TOX2: variants seen among roughly 807,000 people sequenced by gnomAD.
TOX2 encodes the protein TOX high mobility group box family member 2.
TOX2 carries 15 observed loss-of-function variants against 47.4 expected under a neutral mutation model. That is an observed-to-expected ratio of 0.32 (90% CI 0.21 to 0.49). TOX2 has a LOEUF of 0.49. Ranked by LOEUF, TOX2 falls within the 20% of genes least tolerant of loss-of-function variation. TOX2 has a pLI of 0.99. For missense variants in TOX2, 622 were observed against 673.1 expected (o/e 0.92, Z 0.84); for synonymous variants, 290 against 296.6 (o/e 0.98, Z 0.23).
chr20:44,037,416 G>A (rs770020118), intron 3 of TOX2, among the ~76,000 whole-genome samples: 3 of 152,198 alleles, frequency 2.0e-5, no homozygotes, highest in Admixed American at 6.5e-5. Context: ...GCCCCATGAG[G>A]GCAGGGTCAT....
intron 3 of TOX2, among the ~76,000 whole-genome samples, chr20:44,048,818 G>A (rs1450694253): frequency 1.3e-5 from 2 of 151,944 alleles, no homozygotes; most frequent in Non-Finnish European, 2.9e-5. Context: ...AGATACAATT[G>A]TCTGTCTTCT....
chr20:43,922,410 G>A (rs1229789254), intron 1 of TOX2, among the ~76,000 whole-genome samples: 1 of 152,148 alleles, frequency 6.6e-6, no homozygotes, highest in Non-Finnish European at 1.5e-5. Flanking sequence ...AAAGTTTAGC[G>A]CAGGTAAACT....
At chr20:44,056,443 C>T (rs1569143016) in intron 5 of TOX2, among the ~76,000 whole-genome samples, 1 of 152,162 alleles carries the variant, frequency 6.6e-6, no homozygotes, top group Non-Finnish European at 1.5e-5. Flanking sequence ...GATTTCCTTG[C>T]CGTTTTATAC....
At position 43,925,310 on chromosome 20, in the gene TOX2, C is replaced by T. The variant is rs942369201; in HGVS notation, c.99+10320C>T. Among the ~76,000 whole-genome samples the T allele has an allele frequency of 3.3e-5, 5 of 151,908 alleles. No individual in the cohort carries two copies. The East Asian group carries it at 9.6e-4, about 29-fold the overall frequency. On this transcript the variant is annotated intron_variant, in intron 1 of 8. Transcript: ENST00000341197. ...GAGTTTCCTCAACATGGGTGAAAGC[C>T]GTGACTGCGTGGGTGGGCAGGGTGG...
At chr20:44,012,368 A>G (rs1403839420) in intron 3 of TOX2, among the ~76,000 whole-genome samples, 1 of 152,218 alleles carries the variant, frequency 6.6e-6, no homozygotes, top group Non-Finnish European at 1.5e-5. Context: ...TTGTGAGACC[A>G]GAGAAACTCC....
chr20:44,063,823 T>C (rs977994002), intron 5 of TOX2, among the ~76,000 whole-genome samples: 14 of 151,578 alleles, frequency 9.2e-5, no homozygotes, highest in Admixed American at 2.6e-4. Context: ...GAAATACTAC[T>C]CAGCCATAAA....
At chr20:43,956,489 A>G (rs1600681048) in intron 1 of TOX2, among the ~76,000 whole-genome samples, 1 of 146,962 alleles carries the variant, frequency 6.8e-6, no homozygotes, top group East Asian at 2.1e-4. Context: ...TGAACCCAGG[A>G]GGCCGAGGTT....
At chr20:43,977,139 G>A (rs1240075508) in intron 2 of TOX2, among the ~76,000 whole-genome samples, 4 of 151,766 alleles carry the variant, frequency 2.6e-5, no homozygotes, top group African/African-American at 9.7e-5. Flanking sequence ...GAGTCTCACT[G>A]TCACCCAGGC....
At chr20:43,977,039 T>C (rs2070092223) in intron 2 of TOX2, among the ~76,000 whole-genome samples, 3 of 152,240 alleles carry the variant, frequency 2.0e-5, no homozygotes, top group Admixed American at 2.0e-4. Flanking sequence ...ACCTGTTATA[T>C]GCAAGGCTGT....
chr20:43,962,148 A>C (rs2145431769), intron 1 of TOX2, among the ~76,000 whole-genome samples: 1 of 152,374 alleles, frequency 6.6e-6, no homozygotes, highest in Non-Finnish European at 1.5e-5. Flanking sequence ...TTTTTGCCAT[A>C]AATCTGCAGT....
chr20:43,961,824 C>G (rs1267726580), intron 1 of TOX2, among the ~76,000 whole-genome samples: 11 of 152,042 alleles, frequency 7.2e-5, no homozygotes, highest in Admixed American at 7.2e-4. Context: ...GCATCCCCCA[C>G]AGCAGAAGCC....
intron 2 of TOX2, among the ~76,000 whole-genome samples, chr20:43,974,314 C>T (rs1172926669): frequency 1.3e-5 from 2 of 151,748 alleles, no homozygotes; most frequent in Non-Finnish European, 2.9e-5. Context: ...CAGGGAGGGT[C>T]CTCACTGCAG....
intron 2 of TOX2, among the ~76,000 whole-genome samples, chr20:43,985,904 G>A (rs1332091201): frequency 2.6e-5 from 4 of 152,204 alleles, no homozygotes; most frequent in African/African-American, 7.2e-5. Context: ...GGAAGGATGA[G>A]CAGGCGGTGA....
chr20:43,923,360 C>T lies in TOX2; in HGVS notation c.99+8370C>T, dbSNP rs551022770. Reference sequence around the variant, plus strand: ...AAGTCTAATGACTTGCATTTGATTTCCCCCAGTAGCCCATGATAGATACTC... The same window carrying T: ...AAGTCTAATGACTTGCATTTGATTTTCCCCAGTAGCCCATGATAGATACTC... On this transcript the variant is annotated intron_variant, in intron 1 of 8. Coordinates refer to ENST00000341197, the MANE Select transcript of TOX2 (RefSeq NM_001098797.2). Among the ~76,000 whole-genome samples the T allele has an allele frequency of 3.9e-5, 6 of 152,286 alleles. No homozygotes were observed. The South Asian group carries it at 1.2e-3, about 32-fold the overall frequency.
chr20:43,931,467 C>T (rs140341703), intron 1 of TOX2, among the ~76,000 whole-genome samples: 7 of 152,148 alleles, frequency 4.6e-5, no homozygotes, highest in South Asian at 2.1e-4. Flanking sequence ...TCTGCTCAAG[C>T]GCCACCCCCT....
chr20:44,002,273 G>A (rs1253017667), intron 2 of TOX2, among the ~76,000 whole-genome samples: 1 of 152,078 alleles, frequency 6.6e-6, no homozygotes, highest in East Asian at 1.9e-4. Context: ...ATGACCACCT[G>A]CAACCATTTT....
intron 3 of TOX2, among the ~76,000 whole-genome samples, chr20:44,044,389 A>G (rs2071381633): frequency 6.6e-6 from 1 of 151,352 alleles, no homozygotes; most frequent in Admixed American, 6.6e-5. Context: ...ACAAACCTGC[A>G]TGTTGTGCAC....
intron 3 of TOX2, among the ~76,000 whole-genome samples, chr20:44,021,534 G>A (rs560520101): frequency 6.6e-6 from 1 of 152,258 alleles, no homozygotes; most frequent in Non-Finnish European, 1.5e-5. Flanking sequence ...TCTGCCTTGT[G>A]AACTTGACAC....
intron 3 of TOX2, among the ~76,000 whole-genome samples, chr20:44,032,526 TG>T (rs942450537): frequency 9.2e-5 from 14 of 151,492 alleles, no homozygotes; most frequent in Non-Finnish European, 1.6e-4. Context: ...AGAGGGGTGA[TG>T]GAGGGGACTG....
Sources: gnomAD v4.1 joint callset for allele counts (sites outside exome capture counted in the v4.1 genomes callset) on GRCh38, gnomAD v4.1.1 for gene constraint, MANE v1.5 for transcripts, NCBI Gene and HGNC (gene_info 2026-07-23, HGNC 2026-07-21) for gene names.